Variants in ERC1 observed in about 807,000 individuals in gnomAD.
The protein encoded by ERC1 is RAB6 interacting protein 2.
In ERC1, 56 loss-of-function variants were observed where a neutral mutation model predicts 132.0. The ratio of observed to expected loss-of-function variants is 0.42; its 90% CI spans 0.34 to 0.53. The LOEUF is 0.53. Among genes scored for constraint, ERC1 ranks in the 20% least tolerant of loss-of-function variants. The probability of loss-of-function intolerance (pLI) is 0.03; values close to 1 mark genes in which losing one functional copy is unlikely to be tolerated. For missense variants in ERC1, 1,202 were observed against 1,349.9 expected, an observed-to-expected ratio of 0.89 and a Z score of 1.72; for synonymous variants, 478 against 476.1, an observed-to-expected ratio of 1.00 and a Z score of -0.05.
At chr12:1,061,887 T>C (rs1393380590) in intron 2 of ERC1, among the ~76,000 whole-genome samples, 1 of 152,088 alleles carries the variant, frequency 6.6e-6, no homozygotes, top group Non-Finnish European at 1.5e-5. Context: ...ATCTGTCTTC[T>C]TTTTTGATAT....
At chr12:1,408,810 T>C (rs1591841903) in intron 17 of ERC1, among the ~76,000 whole-genome samples, 2 of 152,354 alleles carry the variant, frequency 1.3e-5, no homozygotes, top group African/African-American at 2.4e-5. Flanking sequence ...AAAAGAGATA[T>C]TGATGAATCT....
intron 1 of ERC1, among the ~76,000 whole-genome samples, chr12:1,019,651 A>G (rs1218681778): frequency 1.3e-5 from 2 of 152,190 alleles, no homozygotes; most frequent in African/African-American, 4.8e-5. Flanking sequence ...CTGGAGAATC[A>G]TATTAGAAGA....
At chr12:1,054,016 C>CA (rs139673328) in intron 2 of ERC1, among the ~76,000 whole-genome samples, 6,119 of 151,902 alleles carry the variant, frequency 0.04, 212 homozygotes, top group African/African-American at 0.089. Flanking sequence ...ACCAGTATAT[C>CA]AAAAAAAGCA....
chr12:1,476,704 T>TC (rs1416740977), intron 18 of ERC1, among the ~76,000 whole-genome samples: 1 of 152,158 alleles, frequency 6.6e-6, no homozygotes, highest in Non-Finnish European at 1.5e-5. Context: ...GTACAGCTAT[T>TC]CTAGAATGGT....
At chr12:1,134,262 T>G (rs545725857) in intron 7 of ERC1, among the ~76,000 whole-genome samples, 2 of 152,236 alleles carry the variant, frequency 1.3e-5, no homozygotes, top group East Asian at 3.9e-4. Context: ...TCTTACTATT[T>G]TAGGGGGAAA....
chr12:1,184,108 C>T (rs1301843825), intron 11 of ERC1, among the ~76,000 whole-genome samples: 2 of 149,378 alleles, frequency 1.3e-5, no homozygotes, highest in East Asian at 3.9e-4. Context: ...TGCACTCCAG[C>T]CTGGGCGACA....
chr12:1,413,939 T>C (rs1396083974), intron 17 of ERC1, among the ~76,000 whole-genome samples: 1 of 152,186 alleles, frequency 6.6e-6, no homozygotes, highest in Non-Finnish European at 1.5e-5. Flanking sequence ...CAACGGGGGC[T>C]TGGGGAAGAT....
At chr12:1,483,489 C>T (rs945120512) in intron 18 of ERC1, among the ~76,000 whole-genome samples, 2 of 151,918 alleles carry the variant, frequency 1.3e-5, no homozygotes, top group African/African-American at 4.8e-5. Context: ...CAATTTTTCC[C>T]TTCTTAAGGT....
chr12:1,414,682 C>CTT (rs2092026990), intron 17 of ERC1, among the ~76,000 whole-genome samples: 1 of 152,064 alleles, frequency 6.6e-6, no homozygotes, highest in Non-Finnish European at 1.5e-5. Context: ...TTTCTTTCTC[C>CTT]TTTCTTCCCC....
chr12:1,051,074 C>G (rs1971869061), intron 2 of ERC1, among the ~76,000 whole-genome samples: 2 of 152,232 alleles, frequency 1.3e-5, no homozygotes, highest in South Asian at 4.2e-4. Context: ...ACTAGCGATT[C>G]TGATACAGAT....
intron 12 of ERC1, among the ~76,000 whole-genome samples, chr12:1,198,006 G>A (rs1446400309): frequency 6.6e-6 from 1 of 151,896 alleles, no homozygotes; most frequent in Non-Finnish European, 1.5e-5. Flanking sequence ...GCTCACTGCA[G>A]CCTTAACCTC....
rs201820410 is a variant in ERC1 at position 1,432,677 on chromosome 12, A to G, written c.3025-11885A>G. ...ACAAACCCATTAATACACTGTTACCAAAGCAACTTGTTCCAGGTCTCCTAC... is the reference window on the plus strand; with the variant it reads ...ACAAACCCATTAATACACTGTTACCGAAGCAACTTGTTCCAGGTCTCCTAC... On this transcript the variant is annotated intron_variant, in intron 17 of 18. Transcript: ENST00000360905. 4.6e-5 allele frequency among the ~76,000 whole-genome samples: 7 copies of G among 152,336 alleles called. No homozygotes were observed. The East Asian group carries it at 1.2e-3, about 25-fold the overall frequency.
At chr12:1,023,764 T>C (rs956734586) in intron 1 of ERC1, among the ~76,000 whole-genome samples, 2 of 152,082 alleles carry the variant, frequency 1.3e-5, no homozygotes, top group Non-Finnish European at 2.9e-5. Flanking sequence ...GCATATGATA[T>C]AAAGAAACCA....
At position 1,494,973 on chromosome 12, in the gene ERC1, G is replaced by T. The variant is rs2094346841; in HGVS notation, c.*4743G>T. 1 of 230,736 alleles carries T rather than the reference G, an allele frequency of 4.3e-6. No homozygotes were observed. Among genetic ancestry groups the T allele is most frequent in the South Asian group, 1.8e-4 (1 of 5,514 alleles). 14.3% of individuals were successfully genotyped at this position (230,736 alleles called of 1,614,324 possible). A position where few individuals can be genotyped will look rare whatever the true frequency, so the allele number is the denominator to read the frequency against. On this transcript the variant is annotated 3_prime_UTR_variant, in exon 19 of 19. Transcript: ENST00000360905. ...CTTAGGGTAGTGCCTGCCTGGGCAA[G>T]AGACACCTGCCGAGCAAAAGGAACG...
At chr12:993,320 G>C (rs1960065362) in intron 1 of ERC1, among the ~76,000 whole-genome samples, 1 of 152,170 alleles carries the variant, frequency 6.6e-6, no homozygotes, top group South Asian at 2.1e-4. Context: ...AAACTTGTGT[G>C]TACTCCTAAA....
chr12:1,231,815 C>T (rs2075062080), intron 12 of ERC1, among the ~76,000 whole-genome samples: 1 of 152,198 alleles, frequency 6.6e-6, no homozygotes, highest in Non-Finnish European at 1.5e-5. Context: ...TCTTGGCTCA[C>T]TGCAATCTCT....
chr12:1,164,497 G>T (rs532911008), intron 8 of ERC1, among the ~76,000 whole-genome samples: 2 of 140,858 alleles, frequency 1.4e-5, no homozygotes, highest in Non-Finnish European at 3.1e-5. Context: ...GCCCGCCACC[G>T]CACCCAGATA....
chr12:1,301,267 A>C (rs928247468), intron 15 of ERC1, among the ~76,000 whole-genome samples: 1 of 152,226 alleles, frequency 6.6e-6, no homozygotes, highest in East Asian at 1.9e-4. Context: ...TGATGGGTGC[A>C]CTAAAATCTT....
intron 15 of ERC1, among the ~76,000 whole-genome samples, chr12:1,317,915 A>G (rs994296088): frequency 1.5e-4 from 23 of 152,300 alleles, no homozygotes; most frequent in African/African-American, 5.1e-4. Flanking sequence ...GTTTCTCATA[A>G]ATAATTTGCT....
Sources: allele counts gnomAD v4.1 joint callset (sites outside exome capture counted in the v4.1 genomes callset), GRCh38; gene constraint gnomAD v4.1.1; transcripts MANE v1.5; gene names NCBI Gene and HGNC (gene_info 2026-07-23, HGNC 2026-07-21).